The following TTC7A variants were observed in gnomAD, a reference collection of about 807,000 sequenced individuals.
The protein encoded by TTC7A is tetratricopeptide repeat domain 7A.
Under a neutral mutation model 103.7 loss-of-function variants are expected in TTC7A, and 110 were observed. The observed-to-expected ratio is 1.06, with a 90% CI of 0.91 to 1.24. The LOEUF (loss-of-function observed/expected upper bound fraction) is 1.24. TTC7A is among the 50% of genes most tolerant of loss of function. The pLI is 0.00. For missense variants in TTC7A, 1,340 were observed against 1,116.3 expected (o/e 1.20, Z -2.86); for synonymous variants, 521 against 467.9 (o/e 1.11, Z -1.47).
At chr2:46,974,892 G>C (rs915804137) in intron 3 of TTC7A, 81 bp from the exon 4 acceptor site, 1 of 1,560,530 alleles carries the variant, frequency 6.4e-7, no homozygotes, top group Non-Finnish European at 8.7e-7. Context: ...CCTCGGATGA[G>C]CCCACCTTCG....
intron 3 of TTC7A, among the ~76,000 whole-genome samples, chr2:46,961,751 A>AG (rs1408560493): frequency 6.6e-6 from 1 of 151,672 alleles, no homozygotes; most frequent in Non-Finnish European, 1.5e-5. Context: ...CTAAAAAAAA[A>AG]GAAAGAACAA....
intron 19 of TTC7A, among the ~76,000 whole-genome samples, chr2:47,067,048 C>T (rs900159725): frequency 1.3e-5 from 2 of 152,140 alleles, no homozygotes; most frequent in Non-Finnish European, 2.9e-5. Context: ...CATCCTTTTA[C>T]CAGGAACCCC....
At position 47,062,249 on chromosome 2, in the gene TTC7A, C is replaced by T. The variant is rs1176895512; in HGVS notation, c.2355+1278C>T. Among the ~76,000 whole-genome samples, 6 of 152,286 alleles carry T rather than the reference C, an allele frequency of 3.9e-5. No individual in the cohort carries two copies. In the East Asian group the frequency reaches 7.7e-4, roughly 20 times the overall value. The stretch of plus-strand genomic sequence containing the variant: ...CCAGACCAGGTCATCTTCATCAGGT[C>T]CTTTCCAACCTGACAGTCCTTGAAA... On this transcript the variant is annotated intron_variant, in intron 19 of 19. Transcript: ENST00000319190.
At chr2:46,944,736 T>G (rs1670785331) in intron 1 of TTC7A, among the ~76,000 whole-genome samples, 1 of 152,186 alleles carries the variant, frequency 6.6e-6, no homozygotes, top group Non-Finnish European at 1.5e-5. Context: ...AGATGGGGTC[T>G]TGCTATGTTG....
At chr2:46,996,258 A>G (rs779047198) in intron 8 of TTC7A, among the ~76,000 whole-genome samples, 7 of 152,240 alleles carry the variant, frequency 4.6e-5, no homozygotes, top group Middle Eastern at 3.2e-3. Context: ...CACAGGAGTC[A>G]TCTACATGGT....
chr2:46,942,329 A>G (rs1670503690), intron 1 of TTC7A, among the ~76,000 whole-genome samples: 1 of 152,048 alleles, frequency 6.6e-6, no homozygotes, highest in Non-Finnish European at 1.5e-5. Context: ...GGGGCGGGAA[A>G]GCACCCTGAT....
chr2:47,069,839 G>C (rs2103623482), intron 19 of TTC7A, among the ~76,000 whole-genome samples: 1 of 152,352 alleles, frequency 6.6e-6, no homozygotes, highest in South Asian at 2.1e-4. Context: ...AGCAGCCCTG[G>C]TGTCCCCAAA....
At chr2:46,979,683 G>A (rs911818171) in intron 5 of TTC7A, among the ~76,000 whole-genome samples, 3 of 152,160 alleles carry the variant, frequency 2.0e-5, no homozygotes, top group Non-Finnish European at 2.9e-5. Context: ...TGAGGAGTGC[G>A]TATTGGCAGC....
intron 3 of TTC7A, among the ~76,000 whole-genome samples, chr2:46,970,546 C>T (rs903189620): frequency 2.0e-5 from 3 of 152,246 alleles, no homozygotes; most frequent in Non-Finnish European, 4.4e-5. Context: ...CTCAGCACAT[C>T]TCTCCGGGGA....
chr2:46,991,046 G>A (rs1408745966), intron 5 of TTC7A, among the ~76,000 whole-genome samples: 1 of 152,130 alleles, frequency 6.6e-6, no homozygotes, highest in East Asian at 1.9e-4. Context: ...CCGAATAGCT[G>A]GGACTACAGG....
chr2:47,060,596 C>G (rs1003232532), intron 18 of TTC7A, among the ~76,000 whole-genome samples, 173 bp from the exon 19 acceptor site: 3 of 152,206 alleles, frequency 2.0e-5, no homozygotes, highest in Non-Finnish European at 4.4e-5. Context: ...ACTCAGAAAC[C>G]GTTACCTAGT....
rs368507641 is a variant in TTC7A, at chr2:47,051,809, T to C, written c.2081T>C (p.Met694Thr). 5 of 1,611,974 alleles carry C rather than the reference T, an allele frequency of 3.1e-6. No individual in the cohort carries two copies. The highest frequency in any genetic ancestry group is 4.2e-6 in the Non-Finnish European group (5 of 1,179,822). Residue 694 changes from methionine to threonine, a missense_variant, in exon 18 of 20, where the codon ATG becomes ACG. Transcript: ENST00000319190. The stretch of plus-strand genomic sequence containing the variant: ...GAGGAGGCCATGTCAGAGCTGACTA[T>C]GCCCTCTTCGGTCCTGAAGCAGGGC... Reference protein sequence around the residue: ...RLEEAMSELTMPSSVLKQGPM... With the variant: ...RLEEAMSELTTPSSVLKQGPM...
upstream of TTC7A, chr2:46,916,061 G>T: frequency 1.0e-6 from 1 of 985,456 alleles, no homozygotes; most frequent in Non-Finnish European, 1.2e-6. Context: ...GCTAGGCAAC[G>T]CCGGAAGCCC....
At chr2:47,073,395 C>G (rs973439255) in intron 19 of TTC7A, among the ~76,000 whole-genome samples, 2 of 152,148 alleles carry the variant, frequency 1.3e-5, no homozygotes, top group Admixed American at 1.3e-4. Flanking sequence ...TGGGATTTGC[C>G]TAGGATCCCC....
At chr2:47,050,247 G>A in intron 17 of TTC7A, 2 of 583,570 alleles carry the variant, frequency 3.4e-6, no homozygotes, top group Non-Finnish European at 6.2e-6. Flanking sequence ...TGGGCAGTGG[G>A]CAGGGGAGGA....
At chr2:46,967,916 T>G (rs978884726) in intron 3 of TTC7A, among the ~76,000 whole-genome samples, 3 of 152,084 alleles carry the variant, frequency 2.0e-5, no homozygotes, top group African/African-American at 7.2e-5. Context: ...TTTCGCTTCT[T>G]CCCGTGGCTG....
chr2:47,073,867 G>A lies in TTC7A; in HGVS notation c.2521G>A (p.Glu841Lys). Residue 841 changes from glutamate to lysine, a missense_variant, in exon 20 of 20, where the codon GAG (glutamate) becomes AAG (lysine). Transcript: ENST00000319190. The part of the protein sequence containing the change: ...AAVDCFLTAL[E>K]LEASSPVLPF... ...CGTTGACTGCTTCCTCACCGCCCTT[G>A]AGCTGGAGGCCAGCAGCCCTGTACT... 5 of 1,613,650 alleles carry A rather than the reference G, an allele frequency of 3.1e-6. No homozygotes were observed. The highest frequency in any genetic ancestry group is 4.2e-6 in the Non-Finnish European group (5 of 1,180,026).
intron 3 of TTC7A, among the ~76,000 whole-genome samples, chr2:46,971,935 A>G (rs1421693452): frequency 6.7e-6 from 1 of 149,496 alleles, no homozygotes; most frequent in Non-Finnish European, 1.5e-5. Flanking sequence ...AAAAAAAAAG[A>G]AAGAAAGACA....
upstream of TTC7A, chr2:46,915,884 C>T (rs1024742313): frequency 3.6e-5 from 35 of 984,700 alleles, no homozygotes; most frequent in South Asian, 4.7e-5. Flanking sequence ...CGCCGGGCCC[C>T]TCCCGCTGGC....
Sources: allele counts gnomAD v4.1 joint callset (sites outside exome capture counted in the v4.1 genomes callset), GRCh38; gene constraint gnomAD v4.1.1; transcripts MANE v1.5; gene names NCBI Gene and HGNC (gene_info 2026-07-23, HGNC 2026-07-21).